Variants in PHLPP1 observed in about 807,000 individuals in gnomAD.
PHLPP1 encodes the protein PH domain and leucine rich repeat protein phosphatase 1.
In PHLPP1, 42 loss-of-function variants were observed where a neutral mutation model predicts 117.2. That is an observed-to-expected ratio of 0.36 (90% CI 0.28 to 0.46). PHLPP1 has a LOEUF of 0.46. Among genes scored for constraint, PHLPP1 ranks in the 20% least tolerant of loss-of-function variants. PHLPP1 has a pLI of 1.00. For missense variants in PHLPP1, 2,084 were observed against 2,241.9 expected, an observed-to-expected ratio of 0.93 and a Z score of 1.42; for synonymous variants, 1,042 against 970.7, an observed-to-expected ratio of 1.07 and a Z score of -1.37.
At chr18:62,718,039 C>T (rs1910814263) in intron 1 of PHLPP1, among the ~76,000 whole-genome samples, 1 of 152,180 alleles carries the variant, frequency 6.6e-6, no homozygotes, top group Non-Finnish European at 1.5e-5. Flanking sequence ...AAATCTTCCC[C>T]CGTCTTGTTT....
chr18:62,768,012 A>T (rs1912610843), intron 1 of PHLPP1, among the ~76,000 whole-genome samples: 1 of 152,232 alleles, frequency 6.6e-6, no homozygotes, highest in African/African-American at 2.4e-5. Context: ...AAGTCATCTT[A>T]GGGCTCCTAG....
chr18:62,877,931 G>C lies in PHLPP1; in HGVS notation c.2067-17080G>C, dbSNP rs538269899. On this transcript the variant is annotated intron_variant, in intron 4 of 16. Coordinates refer to ENST00000262719, the MANE Select transcript of PHLPP1 (RefSeq NM_194449.4). ...CAGCCAGGCTATATTAAATTAGTTT[G>C]CCCTGTTGACTTTTTGGGATAGTTT... Among the ~76,000 whole-genome samples the C allele has an allele frequency of 7.9e-5, 12 of 152,252 alleles. 1 individual carries two copies. The highest frequency in any genetic ancestry group is 7.8e-4 in the Admixed American group (12 of 15,294).
rs1434946172 is a variant in PHLPP1 at position 62,819,711 on chromosome 18, T to C, written c.1577-10324T>C. Among the ~76,000 whole-genome samples the C allele has an allele frequency of 2.6e-5, 4 of 152,194 alleles. No homozygotes were observed. The East Asian group carries it at 7.7e-4, about 29-fold the overall frequency. Reference sequence around the variant, plus strand: ...CACAGGCTGGAGTGCAATGGTGCAATCTGGGCTCACTGCAACCTCTGCCTC... The same window carrying C: ...CACAGGCTGGAGTGCAATGGTGCAACCTGGGCTCACTGCAACCTCTGCCTC... On this transcript the variant is annotated intron_variant, in intron 1 of 16. Coordinates refer to ENST00000262719, the MANE Select transcript of PHLPP1 (RefSeq NM_194449.4).
chr18:62,763,075 A>C (rs1912310321), intron 1 of PHLPP1, among the ~76,000 whole-genome samples: 1 of 152,212 alleles, frequency 6.6e-6, no homozygotes, highest in Non-Finnish European at 1.5e-5. Context: ...CCACCTAGCC[A>C]ATTAAAATTT....
At chr18:62,757,114 G>A (rs972147443) in intron 1 of PHLPP1, among the ~76,000 whole-genome samples, 3 of 152,170 alleles carry the variant, frequency 2.0e-5, no homozygotes, top group Non-Finnish European at 2.9e-5. Flanking sequence ...TTGTACAGAC[G>A]TCAACATTGT....
At chr18:62,725,373 A>T (rs947993825) in intron 1 of PHLPP1, among the ~76,000 whole-genome samples, 17 of 151,436 alleles carry the variant, frequency 1.1e-4, no homozygotes, top group Non-Finnish European at 2.4e-4. Flanking sequence ...AAAAAAAAAA[A>T]ATAATAAATA....
At chr18:62,967,047 A>C (rs974843542) in intron 14 of PHLPP1, among the ~76,000 whole-genome samples, 5 of 152,184 alleles carry the variant, frequency 3.3e-5, no homozygotes, top group Admixed American at 6.5e-5. Context: ...TGCATGTGTC[A>C]GTAGTTCGTT....
At chr18:62,833,594 T>C (rs1289124184) in intron 2 of PHLPP1, among the ~76,000 whole-genome samples, 1 of 152,154 alleles carries the variant, frequency 6.6e-6, no homozygotes, top group East Asian at 1.9e-4. Context: ...AAATAAGTTT[T>C]ACCGTGTATC....
intron 1 of PHLPP1, among the ~76,000 whole-genome samples, chr18:62,820,690 C>A (rs937763445): frequency 1.3e-5 from 2 of 152,180 alleles, no homozygotes; most frequent in Non-Finnish European, 2.9e-5. Context: ...TAGTCCTCCC[C>A]TGCTATGCTG....
intron 3 of PHLPP1, among the ~76,000 whole-genome samples, chr18:62,849,826 A>ATATAT (rs1371664083): frequency 2.4e-4 from 8 of 33,820 alleles, no homozygotes; most frequent in African/African-American, 3.5e-4. Flanking sequence ...AAAAAAAAAA[A>ATATAT]AAAAAAATAT....
At chr18:62,832,474 T>A (rs1914783824) in intron 2 of PHLPP1, 1 of 152,240 alleles carries the variant, frequency 6.6e-6, no homozygotes, top group Admixed American at 6.5e-5. Flanking sequence ...TCAGATAAGG[T>A]CAGCAGATCC....
At chr18:62,753,341 A>G (rs796494610) in intron 1 of PHLPP1, among the ~76,000 whole-genome samples, 6 of 152,238 alleles carry the variant, frequency 3.9e-5, no homozygotes, top group Non-Finnish European at 8.8e-5. Context: ...CTGAGTTTAT[A>G]TAAGTCACTT....
chr18:62,882,127 T>G (rs1267973833), intron 4 of PHLPP1, among the ~76,000 whole-genome samples: 5 of 152,140 alleles, frequency 3.3e-5, no homozygotes, highest in Non-Finnish European at 5.9e-5. Flanking sequence ...ATAGTTGGAT[T>G]GGGACAAGAA....
At chr18:62,965,452 C>CTTTTTTTTTTTTTTT (rs34187461) in intron 14 of PHLPP1, among the ~76,000 whole-genome samples, 1 of 76,144 alleles carries the variant, frequency 1.3e-5, no homozygotes, top group Non-Finnish European at 2.4e-5. Context: ...TAATCAGCCT[C>CTTTTTTTTTTTTTTT]TTTTTTTTTT....
intron 1 of PHLPP1, among the ~76,000 whole-genome samples, chr18:62,791,009 C>T (rs146884455): frequency 6.6e-6 from 1 of 152,148 alleles, no homozygotes; most frequent in Non-Finnish European, 1.5e-5. Flanking sequence ...GCTTTGTTTT[C>T]GGTGTGCTGA....
At chr18:62,721,020 G>A (rs953795778) in intron 1 of PHLPP1, among the ~76,000 whole-genome samples, 3 of 152,070 alleles carry the variant, frequency 2.0e-5, no homozygotes, top group African/African-American at 4.8e-5. Flanking sequence ...TTTGCAATTC[G>A]TATCACTTTC....
intron 4 of PHLPP1, among the ~76,000 whole-genome samples, chr18:62,869,951 G>A (rs752637552): frequency 2.6e-5 from 4 of 152,122 alleles, no homozygotes; most frequent in Non-Finnish European, 5.9e-5. Flanking sequence ...GCAGTGGCAC[G>A]ATCTCGCCTC....
rs770977672 is a variant in PHLPP1, at chr18:62,716,105, C to G, written c.422C>G (p.Ser141Trp). The G allele has an allele frequency of 1.8e-5, 27 of 1,506,004 alleles. No homozygotes were observed. The highest frequency in any genetic ancestry group is 1.6e-4 in the East Asian group (6 of 37,766). The allele number at this position is 1,506,004 out of a possible 1,614,324, so 93.3% of individuals were successfully genotyped here. Residue 141 changes from serine (S) to tryptophan (W), a missense_variant, in exon 1 of 17, where the codon TCG (serine) becomes TGG (tryptophan). Transcript: ENST00000262719. The surrounding 1 kb of genome is among the most constrained non-coding windows in gnomAD (Gnocchi z 5.7). ...SAAAAAASSS[S>W]SSSAAAASHS... ...GCCGCCGCGGCCGCCTCCTCGTCGT[C>G]GTCGTCCTCGGCCGCTGCTGCCTCG...
chr18:62,830,195 C>A lies in PHLPP1; in HGVS notation c.1737C>A (p.Thr579=), dbSNP rs761828963. Residue 579 remains threonine (T), a synonymous_variant, in exon 2 of 17, where the codon ACC becomes ACA. Coordinates refer to ENST00000262719, the MANE Select transcript of PHLPP1 (RefSeq NM_194449.4). The part of the protein sequence containing the change: ...LIVSSVKDSL[T]GKMHVLPLIG... ...TATCATCTGTGAAAGACAGCTTGAC[C>A]GGAAAGATGCATGTTCTGCCACTAA... 1 of 1,571,546 alleles carries A rather than the reference C, an allele frequency of 6.4e-7. No homozygotes were observed. Among genetic ancestry groups the A allele is most frequent in the African/African-American group, 1.4e-5 (1 of 73,848 alleles).
Sources: gnomAD v4.1 joint callset for allele counts (sites outside exome capture counted in the v4.1 genomes callset) on GRCh38, gnomAD v4.1.1 for gene constraint, Gnocchi (gnomAD v3.1) non-coding constraint, MANE v1.5 for transcripts, NCBI Gene and HGNC (gene_info 2026-07-23, HGNC 2026-07-21) for gene names.